The following NEGR1 variants were observed in gnomAD, a reference collection of about 807,000 sequenced individuals.
The protein encoded by NEGR1 is neuronal growth regulator 1, also known as IgLON family member 4.
Under a neutral mutation model 40.9 loss-of-function variants are expected in NEGR1, and 10 were observed. The observed-to-expected ratio is 0.24, with a 90% CI of 0.15 to 0.42. The LOEUF is 0.42. NEGR1 is among the 10% of genes least tolerant of loss of function. The pLI, the probability that NEGR1 is intolerant of heterozygous loss-of-function variation, is 1.00. For missense variants in NEGR1, 352 were observed against 438.9 expected (o/e 0.80, Z 1.77); for synonymous variants, 185 against 166.8 (o/e 1.11, Z -0.84).
chr1:71,462,512 CTG>C (rs1463160164), intron 6 of NEGR1, among the ~76,000 whole-genome samples: 2 of 151,766 alleles, frequency 1.3e-5, no homozygotes, highest in Non-Finnish European at 2.9e-5. Flanking sequence ...AGCCTGGTGA[CTG>C]TGAGCATCAG....
At chr1:72,201,643 A>G (rs1653214688) in intron 1 of NEGR1, among the ~76,000 whole-genome samples, 1 of 151,770 alleles carries the variant, frequency 6.6e-6, no homozygotes, top group African/African-American at 2.4e-5. Flanking sequence ...TTTAGGATGT[A>G]TTATAATTTC....
At chr1:72,003,959 A>G (rs1268361173) in intron 1 of NEGR1, among the ~76,000 whole-genome samples, 1 of 152,128 alleles carries the variant, frequency 6.6e-6, no homozygotes, top group Non-Finnish European at 1.5e-5. Flanking sequence ...GATAGACAAT[A>G]AATGAGAGAT....
intron 1 of NEGR1, among the ~76,000 whole-genome samples, chr1:72,061,315 C>A (rs1279754218): frequency 6.6e-6 from 1 of 151,754 alleles, no homozygotes; most frequent in African/African-American, 2.4e-5. Flanking sequence ...TCATCTGTTT[C>A]ATTACCAGCA....
chr1:71,945,406 C>CA (rs1442271610), intron 1 of NEGR1, among the ~76,000 whole-genome samples: 2 of 151,730 alleles, frequency 1.3e-5, no homozygotes, highest in African/African-American at 2.4e-5. Context: ...ATAACAATAA[C>CA]AAAAAACCCT....
chr1:71,686,480 G>A (rs1315947780), intron 4 of NEGR1, among the ~76,000 whole-genome samples: 6 of 152,246 alleles, frequency 3.9e-5, no homozygotes, highest in East Asian at 1.9e-4. Context: ...AAGCTAATGG[G>A]TTAGTATTCC....
At chr1:71,718,988 C>T (rs1654366918) in intron 3 of NEGR1, among the ~76,000 whole-genome samples, 1 of 152,142 alleles carries the variant, frequency 6.6e-6, no homozygotes, top group African/African-American at 2.4e-5. Context: ...GTATTGTTTT[C>T]TTCATATTTG....
rs1646264274 is a variant in NEGR1 at position 71,404,322 on chromosome 1, T to C, written c.*3124A>G. Reference sequence around the variant, plus strand: ...TTGAAATTCTCCCTCTCAAATCTTTTAGTGTCTCAAAAACACCCACATTAC... The same window carrying C: ...TTGAAATTCTCCCTCTCAAATCTTTCAGTGTCTCAAAAACACCCACATTAC... On this transcript the variant is annotated 3_prime_UTR_variant, in exon 7 of 7. Coordinates refer to ENST00000357731, the MANE Select transcript of NEGR1 (RefSeq NM_173808.3). 6.6e-6 allele frequency: 1 copy of C among 152,124 alleles called. No individual in the cohort carries two copies. The highest frequency in any genetic ancestry group is 1.5e-5 in the Non-Finnish European group (1 of 67,692). The allele number at this position is 152,124 out of a possible 1,614,324, so 9.4% of individuals were successfully genotyped here.
intron 6 of NEGR1, among the ~76,000 whole-genome samples, chr1:71,558,281 G>T (rs1648317390): frequency 6.6e-6 from 1 of 151,516 alleles, no homozygotes; most frequent in African/African-American, 2.4e-5. Flanking sequence ...AAGAACCTGT[G>T]AACATATTAA....
At chr1:71,529,839 T>C (rs1647299913) in intron 6 of NEGR1, among the ~76,000 whole-genome samples, 1 of 151,134 alleles carries the variant, frequency 6.6e-6, no homozygotes, top group Admixed American at 6.6e-5. Flanking sequence ...AATGAAAGAA[T>C]AGTTTTCTTT....
chr1:72,164,553 T>C (rs1651701637), intron 1 of NEGR1, among the ~76,000 whole-genome samples: 1 of 152,050 alleles, frequency 6.6e-6, no homozygotes, highest in Non-Finnish European at 1.5e-5. Context: ...CTAATACAAG[T>C]GTTTTCAAAT....
chr1:71,888,364 C>A (rs918986644), intron 2 of NEGR1, among the ~76,000 whole-genome samples: 1 of 152,084 alleles, frequency 6.6e-6, no homozygotes, highest in East Asian at 1.9e-4. Context: ...GTGCGCCCAC[C>A]GTGCGCGAGC....
At chr1:72,183,878 AT>A (rs1173643095) in intron 1 of NEGR1, among the ~76,000 whole-genome samples, 5 of 152,196 alleles carry the variant, frequency 3.3e-5, no homozygotes, top group South Asian at 2.1e-4. Context: ...TATGAGTAAT[AT>A]TTTTTTAATG....
chr1:71,898,256 A>T (rs1430716380), intron 2 of NEGR1, among the ~76,000 whole-genome samples: 1 of 151,988 alleles, frequency 6.6e-6, no homozygotes, highest in East Asian at 1.9e-4. Flanking sequence ...TTTTTTTCTT[A>T]TTAATACATT....
intron 1 of NEGR1, among the ~76,000 whole-genome samples, chr1:72,230,785 C>T (rs898740783): frequency 1.3e-5 from 2 of 152,074 alleles, no homozygotes; most frequent in Admixed American, 1.3e-4. Flanking sequence ...TTAATAAGCA[C>T]GCTCTTGTTT....
intron 1 of NEGR1, among the ~76,000 whole-genome samples, chr1:72,064,985 T>A (rs1335776457): frequency 1.3e-5 from 2 of 152,038 alleles, no homozygotes; most frequent in African/African-American, 4.8e-5. Flanking sequence ...TATTTTCACA[T>A]CTAACTGTAA....
chr1:71,849,558 A>G (rs1215442592), intron 2 of NEGR1, among the ~76,000 whole-genome samples: 2 of 152,206 alleles, frequency 1.3e-5, no homozygotes, highest in African/African-American at 2.4e-5. Flanking sequence ...ATTTGCTAAA[A>G]TGGTACCAGA....
chr1:71,791,705 T>C (rs1657125044), intron 2 of NEGR1, among the ~76,000 whole-genome samples: 1 of 152,020 alleles, frequency 6.6e-6, no homozygotes, highest in African/African-American at 2.4e-5. Context: ...ATGAGAACAT[T>C]AGTAACTGTA....
At chr1:71,779,066 G>C (rs1476302335) in intron 2 of NEGR1, among the ~76,000 whole-genome samples, 3 of 152,116 alleles carry the variant, frequency 2.0e-5, no homozygotes, top group African/African-American at 7.2e-5. Flanking sequence ...ACACATCTGG[G>C]AAGAGGATGT....
rs559935316 is a variant in NEGR1 at position 72,191,185 on chromosome 1, G to C, written c.176+91134C>G. Among the ~76,000 whole-genome samples, 15 of 151,740 alleles carry C rather than the reference G, an allele frequency of 9.9e-5. No individual in the cohort carries two copies. In the East Asian group the frequency reaches 2.5e-3, roughly 26 times the overall value. ...CATAATGTTCTAGTAACATTCTCCA[G>C]ATAACTAGAGATCACATTGCTCTTC... is the stretch of plus-strand genomic sequence containing the variant. On this transcript the variant is annotated intron_variant, in intron 1 of 6. Transcript: ENST00000357731.
Sources: gnomAD v4.1 joint callset for allele counts (sites outside exome capture counted in the v4.1 genomes callset) on GRCh38, gnomAD v4.1.1 for gene constraint, MANE v1.5 for transcripts, NCBI Gene and HGNC (gene_info 2026-07-23, HGNC 2026-07-21) for gene names.